Variants in TOR1AIP2 observed in about 807,000 individuals in gnomAD.
TOR1AIP2 encodes the protein torsin 1A interacting protein 2.
TOR1AIP2 carries 20 observed loss-of-function variants against 32.6 expected under a neutral mutation model. The ratio of observed to expected loss-of-function variants is 0.61; its 90% CI spans 0.43 to 0.89. The LOEUF (loss-of-function observed/expected upper bound fraction) is 0.89. TOR1AIP2 is among the 40% of genes least tolerant of loss of function. The probability of loss-of-function intolerance (pLI) is 0.00; values close to 1 mark genes in which losing one functional copy is unlikely to be tolerated. For missense variants in TOR1AIP2, 456 were observed against 553.8 expected (o/e 0.82, Z 1.77); for synonymous variants, 214 against 210.8 (o/e 1.02, Z -0.13).
rs1695781179 is a variant in TOR1AIP2, at chr1:179,843,200, GCTT to G, written c.*2868_*2870del. On this transcript the variant is annotated 3_prime_UTR_variant, in exon 7 of 7. Transcript: ENST00000609928. The stretch of plus-strand genomic sequence containing the variant: ...TGAGAAGACCCAGAGCTAATATACT[GCTT>G]CTTTTAAAAATGATTTTTGAGGCCA... The G allele has an allele frequency of 6.6e-6, 1 of 151,890 alleles. No homozygotes were observed. The highest frequency in any genetic ancestry group is 2.4e-5 in the African/African-American group (1 of 41,346). 9.4% of individuals were successfully genotyped at this position (151,890 alleles called of 1,614,324 possible).
At chr1:179,856,605 T>G (rs1358424457) in intron 3 of TOR1AIP2, among the ~76,000 whole-genome samples, 1 of 151,172 alleles carries the variant, frequency 6.6e-6, no homozygotes, top group East Asian at 1.9e-4. Context: ...GGCCACTGTT[T>G]CAGAGGCAGG....
In TOR1AIP2 at chr1:179,846,481, T is replaced by G; in HGVS notation, c.1003A>C (p.Arg335=). The change falls in exon 7 of 7, where the codon AGG becomes CGG. Residue 335 remains arginine (R), a synonymous_variant. Coordinates refer to ENST00000609928, the MANE Select transcript of TOR1AIP2 (RefSeq NM_001199260.2). ...VSPIQIDGAG[R]TWQDSDTVKL... Reference sequence around the variant, plus strand: ...ACCGTGTCACTGTCCTGCCAGGTCCTTCCAGCCCCATCAATCTGAATGGGA... The same window carrying G: ...ACCGTGTCACTGTCCTGCCAGGTCCGTCCAGCCCCATCAATCTGAATGGGA... The G allele has an allele frequency of 6.2e-7, 1 of 1,614,156 alleles. No individual in the cohort carries two copies. The highest frequency in any genetic ancestry group is 8.5e-7 in the Non-Finnish European group (1 of 1,180,026).
intron 3 of TOR1AIP2, among the ~76,000 whole-genome samples, chr1:179,858,419 C>A (rs1388559568): frequency 1.3e-5 from 2 of 151,708 alleles, no homozygotes; most frequent in African/African-American, 4.9e-5. Flanking sequence ...CAACTGTACA[C>A]ATAAAGTTTC....
chr1:179,863,678 A>G, intron 3 of TOR1AIP2: 2 of 92,558 alleles, frequency 2.2e-5, no homozygotes, highest in African/African-American at 1.0e-4. Flanking sequence ...TTTAAAAAGC[A>G]AAAAAAAAAA....
At chr1:179,846,899 T>G (rs994404704) in intron 6 of TOR1AIP2, 71 bp from the exon 7 acceptor site, 15 of 1,479,868 alleles carry the variant, frequency 1.0e-5, no homozygotes, top group African/African-American at 1.4e-5. Flanking sequence ...TGTGGTAAAC[T>G]GAAATGAGGC....
In TOR1AIP2 at chr1:179,843,728, G is replaced by A. The variant is rs899143371; in HGVS notation, c.*2343C>T. 6.6e-6 allele frequency: 1 copy of A among 150,508 alleles called. No individual in the cohort carries two copies. The highest frequency in any genetic ancestry group is 1.5e-5 in the Non-Finnish European group (1 of 67,964). The allele number at this position is 150,508 out of a possible 1,614,324, so 9.3% of individuals were successfully genotyped here. ...CCCGGCTACTCAGGAGGCTAAGGTG[G>A]GAGGATTGCTTGAGCCCAGGAGTTT... On this transcript the variant is annotated 3_prime_UTR_variant, in exon 7 of 7. Coordinates refer to ENST00000609928, the MANE Select transcript of TOR1AIP2 (RefSeq NM_001199260.2).
At chr1:179,863,509 A>T in intron 3 of TOR1AIP2, 1 of 985,036 alleles carries the variant, frequency 1.0e-6, no homozygotes, top group Non-Finnish European at 1.2e-6. Context: ...CTCATTGAGA[A>T]AAAAAAACCT....
chr1:179,869,963 T>C (rs1316113272), intron 2 of TOR1AIP2, among the ~76,000 whole-genome samples: 1 of 152,240 alleles, frequency 6.6e-6, no homozygotes, highest in Non-Finnish European at 1.5e-5. Context: ...TCATTTAATC[T>C]GCTCACAAAG....
At chr1:179,870,400 A>C (rs75173180) in intron 2 of TOR1AIP2, among the ~76,000 whole-genome samples, 3 of 142,224 alleles carry the variant, frequency 2.1e-5, no homozygotes, top group African/African-American at 8.6e-5. Context: ...CTCCATTTCC[A>C]AAAAAAAAAA....
Position 179,846,511 on chromosome 1 carries a change from C to T in TOR1AIP2, c.973G>A (p.Val325Ile). ...GCCCCATCAATCTGAATGGGAGAGACTTTCTGGGAAGAGGTGTAGGCATCT... is the reference window on the plus strand; with the variant it reads ...GCCCCATCAATCTGAATGGGAGAGATTTTCTGGGAAGAGGTGTAGGCATCT... ...VADAYTSSQK[V>I]SPIQIDGAGR... Residue 325 changes from valine (V) to isoleucine (I), a missense_variant, in exon 7 of 7, where the codon GTC (valine) becomes ATC (isoleucine). Val to Ile is a conservative substitution (Grantham distance 29). Coordinates refer to ENST00000609928, the MANE Select transcript of TOR1AIP2 (RefSeq NM_001199260.2). 6.2e-7 allele frequency: 1 copy of T among 1,614,162 alleles called. No homozygotes were observed. The highest frequency in any genetic ancestry group is 8.5e-7 in the Non-Finnish European group (1 of 1,180,032).
At position 179,852,824 on chromosome 1, in the gene TOR1AIP2, GA is replaced by G; in HGVS notation, c.-146-14del. 6.5e-6 allele frequency: 9 copies of G among 1,385,880 alleles called. No homozygotes were observed. The highest frequency in any genetic ancestry group is 5.3e-5 in the East Asian group (2 of 37,710). The allele number at this position is 1,385,880 out of a possible 1,614,324, so 85.8% of individuals were successfully genotyped here. ...ATATATACAGTGACTAAAACAAAATGAAAAAAAATTAAATGACTTTTTATCC... is the reference window on the plus strand; with the variant it reads ...ATATATACAGTGACTAAAACAAAATGAAAAAAATTAAATGACTTTTTATCC... On this transcript the variant is annotated splice_polypyrimidine_tract_variant and intron_variant, in intron 3 of 6. Transcript: ENST00000609928.
At chr1:179,849,828 A>T (rs2148426813) in intron 5 of TOR1AIP2, among the ~76,000 whole-genome samples, 1 of 152,376 alleles carries the variant, frequency 6.6e-6, no homozygotes. Flanking sequence ...AAATTCATAA[A>T]GGTGTTTCTA....
rs1370722041 is a variant in TOR1AIP2 at position 179,842,764 on chromosome 1, G to C, written c.*3307C>G. 6.6e-6 allele frequency: 1 copy of C among 152,196 alleles called. No individual in the cohort carries two copies. The highest frequency in any genetic ancestry group is 6.5e-5 in the Admixed American group (1 of 15,290). The allele number at this position is 152,196 out of a possible 1,614,324, so 9.4% of individuals were successfully genotyped here. ...CTGAAACCTTAAAAAATGTCAATAG[G>C]CCGGGTGCGGTGGCTCACGCCTGTA... On this transcript the variant is annotated 3_prime_UTR_variant, in exon 7 of 7. Coordinates refer to ENST00000609928, the MANE Select transcript of TOR1AIP2 (RefSeq NM_001199260.2).
chr1:179,871,493 G>A (rs1277148088), intron 2 of TOR1AIP2, among the ~76,000 whole-genome samples: 1 of 152,164 alleles, frequency 6.6e-6, no homozygotes, highest in Non-Finnish European at 1.5e-5. Context: ...ATGTATGTTA[G>A]TAAGTTCAAA....
intron 6 of TOR1AIP2, 62 bp from the exon 7 acceptor site, chr1:179,846,890 G>A (rs1366799001): frequency 4.0e-6 from 6 of 1,495,554 alleles, no homozygotes; most frequent in African/African-American, 1.4e-5. Context: ...AACAAAGCCT[G>A]TGGTAAACTG....
chr1:179,868,226 T>C (rs982398274), intron 2 of TOR1AIP2: 13 of 152,236 alleles, frequency 8.5e-5, no homozygotes, highest in African/African-American at 2.9e-4. Flanking sequence ...TATGGCTCTA[T>C]CAGCAATGCA....
At chr1:179,877,004 A>C (rs1247709867) in intron 2 of TOR1AIP2, among the ~76,000 whole-genome samples, 1 of 150,482 alleles carries the variant, frequency 6.6e-6, no homozygotes, top group Non-Finnish European at 1.5e-5. Context: ...TTTTTTTTTA[A>C]GTATTATCTT....
At position 179,851,313 on chromosome 1, in the gene TOR1AIP2, C is replaced by G. The variant is rs1282010404; in HGVS notation, c.85G>C (p.Glu29Gln). 2 of 1,597,048 alleles carry G rather than the reference C, an allele frequency of 1.3e-6. No individual in the cohort carries two copies. Among genetic ancestry groups the G allele is most frequent in the Non-Finnish European group, 1.7e-6 (2 of 1,175,828 alleles). ...NDPSVNSQAQETTIIASNAEE... is the reference protein window; with the variant it reads ...NDPSVNSQAQQTTIIASNAEE... ...GCATTACTTGCTATGATTGTGGTCT[C>G]CTGCGCCTGAGAATTTACTGATGGA... The change falls in exon 5 of 7, where the codon GAG becomes CAG. Residue 29 changes from glutamate to glutamine, a missense_variant. Glu to Gln is a conservative substitution (Grantham distance 29). Transcript: ENST00000609928.
In TOR1AIP2 at chr1:179,851,366, A is replaced by G; in HGVS notation, c.35-3T>C. ...ATTTTCCAAATCCTTTTGAGAGTCT[A>G]TTGAGATAAAAGTTTATAATTTTTA... On this transcript the variant is annotated splice_polypyrimidine_tract_variant and splice_region_variant and intron_variant, in intron 4 of 6. Coordinates refer to ENST00000609928, the MANE Select transcript of TOR1AIP2 (RefSeq NM_001199260.2). 1.3e-5 allele frequency: 19 copies of G among 1,519,036 alleles called. No individual in the cohort carries two copies. The highest frequency in any genetic ancestry group is 1.7e-5 in the Non-Finnish European group (19 of 1,143,706). The allele number at this position is 1,519,036 out of a possible 1,614,324, so 94.1% of individuals were successfully genotyped here.
Sources: gnomAD v4.1 joint callset for allele counts (sites outside exome capture counted in the v4.1 genomes callset) on GRCh38, gnomAD v4.1.1 for gene constraint, MANE v1.5 for transcripts, NCBI Gene and HGNC (gene_info 2026-07-23, HGNC 2026-07-21) for gene names.